Variants in SUPT3H observed in about 807,000 individuals in gnomAD.
SUPT3H encodes transcription initiation protein SPT3 homolog.
A neutral mutation model predicts 44.3 loss-of-function variants in SUPT3H; 44 were observed. The ratio of observed to expected loss-of-function variants is 0.99; its 90% CI spans 0.78 to 1.28. SUPT3H has a LOEUF of 1.28. Among genes scored for constraint, SUPT3H ranks in the 50% most tolerant of loss-of-function variants. The probability of loss-of-function intolerance (pLI) is 0.00; values close to 1 mark genes in which losing one functional copy is unlikely to be tolerated. For synonymous variants in SUPT3H, 124 were observed against 125.6 expected, an observed-to-expected ratio of 0.99 and a Z score of 0.09; for missense variants, 380 against 387.1, an observed-to-expected ratio of 0.98 and a Z score of 0.15.
intron 10 of SUPT3H, among the ~76,000 whole-genome samples, chr6:44,845,603 C>T (rs13436998): frequency 0.081 from 12,359 of 152,126 alleles, 802 homozygotes; most frequent in African/African-American, 0.18. Flanking sequence ...CCTGGTCCAC[C>T]ACGCCCCGAT....
intron 2 of SUPT3H, among the ~76,000 whole-genome samples, chr6:45,327,542 A>T (rs979171873): frequency 6.6e-6 from 1 of 151,986 alleles, no homozygotes; most frequent in East Asian, 1.9e-4. Context: ...TCTTCAAACT[A>T]GGCATGAGAT....
At chr6:44,923,154 C>T (rs916073209) in intron 10 of SUPT3H, among the ~76,000 whole-genome samples, 1 of 152,016 alleles carries the variant, frequency 6.6e-6, no homozygotes, top group Non-Finnish European at 1.5e-5. Context: ...ATACAGTATA[C>T]CTGTTATAAC....
At chr6:44,820,600 G>C (rs1001585972) in intron 11 of SUPT3H, among the ~76,000 whole-genome samples, 1 of 152,200 alleles carries the variant, frequency 6.6e-6, no homozygotes, top group African/African-American at 2.4e-5. Flanking sequence ...GACTCAACAC[G>C]TATTATGTGT....
Position 45,020,468 on chromosome 6 carries a change from C to T in SUPT3H, c.273+78G>A, listed in dbSNP as rs572417425. On this transcript the variant is annotated intron_variant, in intron 4 of 10. Coordinates refer to ENST00000371459, the MANE Select transcript of SUPT3H (RefSeq NM_003599.4). ...TTATTTTAATTTGAAAGGTACATAA[C>T]AAGGATATATAGTTTCCACATGCAA... 34 of 1,068,160 alleles carry T rather than the reference C, an allele frequency of 3.2e-5. No homozygotes were observed. In the African/African-American group the frequency reaches 3.4e-4, roughly 11 times the overall value. The allele number at this position is 1,068,160 out of a possible 1,614,324, so 66.2% of individuals were successfully genotyped here.
intron 10 of SUPT3H, among the ~76,000 whole-genome samples, chr6:44,859,489 C>T (rs1774262266): frequency 1.3e-5 from 2 of 152,038 alleles, no homozygotes; most frequent in African/African-American, 4.8e-5. Flanking sequence ...TATATCCTGG[C>T]AAGTGAAATA....
chr6:44,881,143 C>A (rs191277444), intron 10 of SUPT3H, among the ~76,000 whole-genome samples: 6 of 152,104 alleles, frequency 3.9e-5, no homozygotes, highest in Admixed American at 3.3e-4. Flanking sequence ...ATTCAGGAGA[C>A]CCATCTCATG....
chr6:44,855,947 G>A (rs560765), intron 10 of SUPT3H, among the ~76,000 whole-genome samples: 3,097 of 152,284 alleles, frequency 0.02, 42 homozygotes, highest in Non-Finnish European at 0.033. Flanking sequence ...GAATATGACT[G>A]TTCCCAGAGG....
At chr6:44,965,425 A>G (rs1007768471) in intron 6 of SUPT3H, among the ~76,000 whole-genome samples, 1 of 152,210 alleles carries the variant, frequency 6.6e-6, no homozygotes, top group African/African-American at 2.4e-5. Context: ...CTTGAATATT[A>G]TATGATATAA....
chr6:45,268,653 A>G (rs1362154987), intron 2 of SUPT3H, among the ~76,000 whole-genome samples: 4 of 152,338 alleles, frequency 2.6e-5, no homozygotes, highest in East Asian at 1.9e-4. Context: ...AACAAAAACC[A>G]TAACTATTCA....
intron 2 of SUPT3H, among the ~76,000 whole-genome samples, chr6:45,226,250 A>G (rs904271613): frequency 2.1e-4 from 32 of 152,310 alleles, no homozygotes; most frequent in East Asian, 7.7e-4. Context: ...TAAGGCAGCT[A>G]AATTGTTTTG....
chr6:45,303,374 G>A (rs781294578), intron 2 of SUPT3H, among the ~76,000 whole-genome samples: 4 of 152,148 alleles, frequency 2.6e-5, no homozygotes, highest in South Asian at 4.1e-4. Context: ...CTATACATCC[G>A]ACAAAGGACT....
intron 7 of SUPT3H, among the ~76,000 whole-genome samples, chr6:44,958,307 A>C (rs1189961555): frequency 6.6e-6 from 1 of 152,176 alleles, no homozygotes; most frequent in African/African-American, 2.4e-5. Flanking sequence ...AGTTTCTTGC[A>C]ATATTCCATT....
At chr6:45,304,742 A>C (rs558390515) in intron 2 of SUPT3H, among the ~76,000 whole-genome samples, 43 of 14,696 alleles carry the variant, frequency 2.9e-3, no homozygotes, top group Admixed American at 0.015. Context: ...TTATCCTCGC[A>C]AAGTAACCAT....
chr6:44,849,770 T>C (rs887843751), intron 10 of SUPT3H, among the ~76,000 whole-genome samples: 9 of 152,258 alleles, frequency 5.9e-5, no homozygotes, highest in Middle Eastern at 3.4e-3. Flanking sequence ...GACCTACACA[T>C]TGAATTAAAA....
At chr6:45,225,026 C>T (rs1273759311) in intron 2 of SUPT3H, among the ~76,000 whole-genome samples, 3 of 151,940 alleles carry the variant, frequency 2.0e-5, no homozygotes, top group Non-Finnish European at 4.4e-5. Flanking sequence ...CACCTGTAAT[C>T]CCAGTACTTT....
intron 2 of SUPT3H, among the ~76,000 whole-genome samples, chr6:45,188,401 T>C (rs897354931): frequency 6.6e-6 from 1 of 152,228 alleles, no homozygotes; most frequent in Non-Finnish European, 1.5e-5. Context: ...CTGCAAGTTA[T>C]GGCCACAATG....
intron 7 of SUPT3H, chr6:44,955,088 GA>G: frequency 6.3e-6 from 1 of 158,830 alleles, no homozygotes; most frequent in Non-Finnish European, 1.4e-5. Flanking sequence ...AGTCTCAGAA[GA>G]AAATGGCACA....
rs1236595370 is a variant in SUPT3H at position 44,953,358 on chromosome 6, G to T, written c.753C>A (p.Phe251Leu). Residue 251 changes from phenylalanine to leucine, a missense_variant, in exon 9 of 11, where the codon TTC becomes TTA. Physicochemically the swap from Phe to Leu is conservative, Grantham distance 22. Coordinates refer to ENST00000371459, the MANE Select transcript of SUPT3H (RefSeq NM_003599.4). ...TGAAGGTTGCAGAAATGGCATGGCT[G>T]AAGGGGTCCCCTGCCTTGGTTACCA... ...QDMVTKAGDP[F>L]SHAISATFIQ... The T allele has an allele frequency of 1.2e-6, 2 of 1,614,126 alleles. No individual in the cohort carries two copies. Among genetic ancestry groups the T allele is most frequent in the Non-Finnish European group, 1.7e-6 (2 of 1,180,004 alleles).
chr6:45,377,323 A>G (rs1304400663), intron 1 of SUPT3H: 1 of 152,218 alleles, frequency 6.6e-6, no homozygotes, highest in Non-Finnish European at 1.5e-5. Flanking sequence ...CACAGAGAAC[A>G]CAGCGGATCT....
Sources: allele counts gnomAD v4.1 joint callset (sites outside exome capture counted in the v4.1 genomes callset), GRCh38; gene constraint gnomAD v4.1.1; transcripts MANE v1.5; gene names NCBI Gene and HGNC (gene_info 2026-07-23, HGNC 2026-07-21).